The following TMTC2 variants were observed in gnomAD, a reference collection of about 807,000 sequenced individuals.
The protein encoded by TMTC2 is transmembrane O-mannosyltransferase targeting cadherins 2, also known as protein O-mannosyl-transferase TMTC2.
TMTC2 carries 43 observed loss-of-function variants against 82.4 expected under a neutral mutation model. The observed-to-expected ratio is 0.52, with a 90% CI of 0.41 to 0.67. TMTC2 has a LOEUF of 0.67. Among genes scored for constraint, TMTC2 ranks in the 30% least tolerant of loss-of-function variants. TMTC2 has a pLI of 0.00. For synonymous variants in TMTC2, 408 were observed against 381.9 expected (o/e 1.07, Z -0.80); for missense variants, 919 against 1,012.4 (o/e 0.91, Z 1.25).
intron 2 of TMTC2, among the ~76,000 whole-genome samples, chr12:82,869,861 TA>T (rs966174980): frequency 6.7e-6 from 1 of 150,362 alleles, no homozygotes; most frequent in African/African-American, 2.4e-5. Flanking sequence ...AAATAAAAAA[TA>T]AAAATAAAAA....
At chr12:82,890,250 T>C (rs967047454) in intron 2 of TMTC2, among the ~76,000 whole-genome samples, 3 of 145,848 alleles carry the variant, frequency 2.1e-5, no homozygotes, top group African/African-American at 5.6e-5. Context: ...TATTAATTCA[T>C]TTTTTTTTCT....
chr12:82,944,630 C>T (rs1312460117), intron 4 of TMTC2, among the ~76,000 whole-genome samples: 1 of 149,658 alleles, frequency 6.7e-6, no homozygotes, highest in African/African-American at 2.5e-5. Context: ...TTAAGGAGTA[C>T]AGTAAAAGAC....
intron 1 of TMTC2, among the ~76,000 whole-genome samples, chr12:82,794,313 G>C (rs1003192293): frequency 6.6e-6 from 1 of 152,048 alleles, no homozygotes; most frequent in Non-Finnish European, 1.5e-5. Flanking sequence ...GTTCTTGAAA[G>C]GTATAAATGA....
intron 1 of TMTC2, among the ~76,000 whole-genome samples, chr12:82,741,012 C>G (rs1426288856): frequency 1.3e-5 from 2 of 152,176 alleles, no homozygotes; most frequent in African/African-American, 2.4e-5. Flanking sequence ...CGCTCCTCAG[C>G]CTTTATTACC....
chr12:82,997,645 G>T (rs1022070738), intron 8 of TMTC2, among the ~76,000 whole-genome samples: 1 of 150,976 alleles, frequency 6.6e-6, no homozygotes, highest in Admixed American at 6.6e-5. Flanking sequence ...ATGCCAAGAA[G>T]ATTTTACTAC....
At chr12:83,009,965 A>T (rs1880380218) in intron 8 of TMTC2, among the ~76,000 whole-genome samples, 1 of 152,168 alleles carries the variant, frequency 6.6e-6, no homozygotes, top group Non-Finnish European at 1.5e-5. Context: ...GCTGCCACTG[A>T]TCTGACAGGA....
chr12:83,002,351 T>C (rs1288932420), intron 8 of TMTC2, among the ~76,000 whole-genome samples: 1 of 152,174 alleles, frequency 6.6e-6, no homozygotes, highest in East Asian at 1.9e-4. Flanking sequence ...CTTTTTTTCT[T>C]TGTTAATCTA....
chr12:82,977,994 T>A (rs1878756763), intron 7 of TMTC2, among the ~76,000 whole-genome samples: 1 of 151,834 alleles, frequency 6.6e-6, no homozygotes, highest in Admixed American at 6.6e-5. Context: ...TTTTTTTCAA[T>A]ATGTAATTCA....
In TMTC2 at chr12:82,895,812, T is replaced by C; in HGVS notation, c.655-6T>C. The C allele has an allele frequency of 6.3e-7, 1 of 1,595,158 alleles. No individual in the cohort carries two copies. The highest frequency in any genetic ancestry group is 1.1e-5 in the South Asian group (1 of 88,178). ...TTAATTTTTCCCTTCTCTCTTTTGGTTTCAGAGGAAGAACTTGTCGCTTTT... is the reference window on the plus strand; with the variant it reads ...TTAATTTTTCCCTTCTCTCTTTTGGCTTCAGAGGAAGAACTTGTCGCTTTT... On this transcript the variant is annotated splice_region_variant and splice_polypyrimidine_tract_variant and intron_variant, in intron 2 of 11. Transcript: ENST00000321196.
intron 7 of TMTC2, among the ~76,000 whole-genome samples, chr12:82,978,301 G>A (rs1488542650): frequency 1.3e-5 from 2 of 151,606 alleles, no homozygotes; most frequent in African/African-American, 2.4e-5. Flanking sequence ...ACCTACAAAT[G>A]ATTATCCATT....
chr12:82,726,791 A>G (rs1592877453), intron 1 of TMTC2, among the ~76,000 whole-genome samples: 1 of 150,084 alleles, frequency 6.7e-6, no homozygotes, highest in Non-Finnish European at 1.5e-5. Context: ...AGGTAGGAGA[A>G]TGGCGTGAAC....
At chr12:83,020,144 G>A (rs1226343205) in intron 8 of TMTC2, among the ~76,000 whole-genome samples, 1 of 152,090 alleles carries the variant, frequency 6.6e-6, no homozygotes, top group African/African-American at 2.4e-5. Flanking sequence ...ACTGTTATAG[G>A]TCAAATGGCC....
chr12:82,981,132 C>T (rs1353080893), intron 7 of TMTC2, among the ~76,000 whole-genome samples: 4 of 151,828 alleles, frequency 2.6e-5, no homozygotes, highest in Non-Finnish European at 5.9e-5. Context: ...AGGCATTTAA[C>T]AATTACTGTA....
intron 11 of TMTC2, among the ~76,000 whole-genome samples, chr12:83,115,400 T>G (rs1023045920): frequency 6.6e-6 from 1 of 152,250 alleles, no homozygotes; most frequent in Non-Finnish European, 1.5e-5. Context: ...TTTAGAGAGA[T>G]AGATGATGCT....
chr12:82,735,864 T>G (rs1467030142), intron 1 of TMTC2, among the ~76,000 whole-genome samples: 2 of 151,976 alleles, frequency 1.3e-5, no homozygotes, highest in East Asian at 2.0e-4. Context: ...TAGGCACTAC[T>G]TGGGAGGCTG....
intron 1 of TMTC2, among the ~76,000 whole-genome samples, chr12:82,836,535 A>T (rs1204906284): frequency 6.6e-6 from 1 of 152,180 alleles, no homozygotes; most frequent in African/African-American, 2.4e-5. Flanking sequence ...GGCCTCTATA[A>T]GCCGGAAAAG....
intron 9 of TMTC2, among the ~76,000 whole-genome samples, chr12:83,031,419 T>C (rs1881425237): frequency 6.6e-6 from 1 of 152,188 alleles, no homozygotes; most frequent in Non-Finnish European, 1.5e-5. Flanking sequence ...TTAATCAGTC[T>C]AGAATGAGGC....
intron 8 of TMTC2, among the ~76,000 whole-genome samples, chr12:83,002,451 C>T (rs938634020): frequency 3.9e-5 from 6 of 152,162 alleles, no homozygotes; most frequent in Admixed American, 2.0e-4. Context: ...CTCAATTTAG[C>T]TTTGTGGTTG....
rs192731287 is a variant in TMTC2 at position 82,880,067 on chromosome 12, A to T, written c.655-15751A>T. 3.5e-3 allele frequency among the ~76,000 whole-genome samples: 538 copies of T among 152,306 alleles called. 4 individuals carry two copies. Among genetic ancestry groups the T allele is most frequent in the African/African-American group, 0.012 (517 of 41,566 alleles). On this transcript the variant is annotated intron_variant, in intron 2 of 11. Transcript: ENST00000321196. ...CGGAACTTAATATATCATTTGGATG[A>T]CCTGCATTTGTTTAGATTGTTGAAG...
Sources: gnomAD v4.1 joint callset for allele counts (sites outside exome capture counted in the v4.1 genomes callset) on GRCh38, gnomAD v4.1.1 for gene constraint, MANE v1.5 for transcripts, NCBI Gene and HGNC (gene_info 2026-07-23, HGNC 2026-07-21) for gene names.